Variants in NARF observed in about 807,000 individuals in gnomAD.
NARF encodes nuclear prelamin A recognition factor.
In NARF, 41 loss-of-function variants were observed where a neutral mutation model predicts 48.0. The ratio of observed to expected loss-of-function variants is 0.85; its 90% confidence interval spans 0.66 to 1.11. The LOEUF (loss-of-function observed/expected upper bound fraction) is 1.11. NARF is among the 50% of genes least tolerant of loss of function. The pLI, the probability that NARF is intolerant of heterozygous loss-of-function variation, is 0.00. For missense variants in NARF, 613 were observed against 590.2 expected (o/e 1.04, Z -0.40); for synonymous variants, 215 against 225.5 (o/e 0.95, Z 0.42).
chr17:82,464,667 C>A (rs1160838703), intron 3 of NARF, among the ~76,000 whole-genome samples: 3 of 152,224 alleles, frequency 2.0e-5, no homozygotes, highest in African/African-American at 7.2e-5. Flanking sequence ...TGGCATCACC[C>A]CTCAGGCTCC....
intron 5 of NARF, among the ~76,000 whole-genome samples, chr17:82,474,939 G>A (rs1402428354): frequency 1.3e-5 from 2 of 152,162 alleles, no homozygotes; most frequent in African/African-American, 2.4e-5. Flanking sequence ...TGTATCAGAG[G>A]TCGAAGTATA....
intron 7 of NARF, among the ~76,000 whole-genome samples, chr17:82,481,444 G>C (rs1380137368): frequency 6.6e-6 from 1 of 152,094 alleles, no homozygotes; most frequent in Non-Finnish European, 1.5e-5. Flanking sequence ...GATAAATCAG[G>C]TCTCAGCTGG....
chr17:82,487,788 C>CCCAAGAG, intron 10 of NARF, 128 bp from the exon 11 acceptor site: 1 of 759,778 alleles, frequency 1.3e-6, no homozygotes, highest in East Asian at 3.4e-5. Flanking sequence ...CCCTCCCGCC[C>CCCAAGAG]AATCTCTACA....
At chr17:82,478,601 C>T (rs1427769763) in intron 5 of NARF, 199 bp from the exon 6 acceptor site, 4 of 663,550 alleles carry the variant, frequency 6.0e-6, no homozygotes, top group African/African-American at 1.8e-5. Context: ...AGCCTCCAGG[C>T]CTGCAGGTTC....
intron 4 of NARF, among the ~76,000 whole-genome samples, chr17:82,469,527 A>G (rs372012257): frequency 1.7e-4 from 26 of 152,168 alleles, no homozygotes; most frequent in African/African-American, 5.8e-4. Flanking sequence ...TCCTCATAGC[A>G]TGATGGTCAG....
rs1437359734 is a variant in NARF at position 82,467,597 on chromosome 17, C to T, written c.253-1167C>T. Among the ~76,000 whole-genome samples, 10 of 152,108 alleles carry T rather than the reference C, an allele frequency of 6.6e-5. No homozygotes were observed. In the South Asian group the frequency reaches 1.2e-3, roughly 19 times the overall value. The stretch of plus-strand genomic sequence containing the variant: ...CCATTTCACTTCAACCTCCACCTCC[C>T]GGGTTCAAGCGATTCTTCTGCCTCA... On this transcript the variant is annotated intron_variant, in intron 3 of 10. Coordinates refer to ENST00000309794, the MANE Select transcript of NARF (RefSeq NM_012336.4).
In NARF at chr17:82,468,375, T is replaced by A. The variant is rs545820042; in HGVS notation, c.253-389T>A. 6.9e-5 allele frequency: 11 copies of A among 159,324 alleles called. No individual in the cohort carries two copies. In the South Asian group the frequency reaches 2.0e-3, roughly 29 times the overall value. The allele number at this position is 159,324 out of a possible 1,614,324, so 9.9% of individuals were successfully genotyped here. On this transcript the variant is annotated intron_variant, in intron 3 of 10. Transcript: ENST00000309794. ...ACTCTTTTTTTTTTGAGACAGAGTATTACTCTGTCACTCAGGCTAGAGCGC... is the reference window on the plus strand; with the variant it reads ...ACTCTTTTTTTTTTGAGACAGAGTAATACTCTGTCACTCAGGCTAGAGCGC...
At position 82,468,752 on chromosome 17, in the gene NARF, T is replaced by C. The variant is rs2043630150; in HGVS notation, c.253-12T>C. ...TCAGCAGATACCTAACATTCTCTAT[T>C]TCTCCTTCTAGAAATGTGATACCTC... On this transcript the variant is annotated splice_polypyrimidine_tract_variant and intron_variant, in intron 3 of 10. Coordinates refer to ENST00000309794, the MANE Select transcript of NARF (RefSeq NM_012336.4). 6.2e-7 allele frequency: 1 copy of C among 1,612,954 alleles called. No individual in the cohort carries two copies. Among genetic ancestry groups the C allele is most frequent in the Admixed American group, 1.7e-5 (1 of 59,874 alleles).
At chr17:82,472,764 G>T in intron 5 of NARF, 66 bp downstream of exon 5, 6 of 1,552,576 alleles carry the variant, frequency 3.9e-6, no homozygotes, top group African/African-American at 1.4e-5. Context: ...GATTCTGCAG[G>T]CTCTAGATGA....
intron 7 of NARF, chr17:82,481,860 G>T (rs2043972720): frequency 2.8e-6 from 1 of 356,958 alleles, no homozygotes; most frequent in African/African-American, 2.2e-5. Flanking sequence ...GCCATAGCGG[G>T]TCTCCTAATC....
At chr17:82,480,660 C>G in intron 6 of NARF, 1 of 429,416 alleles carries the variant, frequency 2.3e-6, no homozygotes, top group Non-Finnish European at 4.1e-6. Context: ...CAGCCAGGCT[C>G]GATGGCTCAC....
At chr17:82,481,307 C>A in intron 7 of NARF, 96 bp downstream of exon 7, 1 of 1,546,204 alleles carries the variant, frequency 6.5e-7, no homozygotes. Flanking sequence ...AGAGCCATCT[C>A]AGTGCCTGCC....
intron 3 of NARF, among the ~76,000 whole-genome samples, chr17:82,465,574 A>G (rs546301824): frequency 5.3e-5 from 8 of 152,044 alleles, no homozygotes; most frequent in Admixed American, 6.6e-5. Flanking sequence ...CAGCAATTAG[A>G]TCACAATATT....
chr17:82,480,983 A>AG (rs1317919598), intron 6 of NARF, 99 bp from the exon 7 acceptor site: 1 of 1,414,580 alleles, frequency 7.1e-7, no homozygotes, highest in South Asian at 1.2e-5. Flanking sequence ...GGGCAGCAGC[A>AG]GGGGGCATTC....
chr17:82,475,569 C>G (rs1033652450), intron 5 of NARF, among the ~76,000 whole-genome samples: 1 of 152,046 alleles, frequency 6.6e-6, no homozygotes, highest in Admixed American at 6.6e-5. Context: ...CGCACTCCAG[C>G]CTGGGTAACA....
At chr17:82,467,303 TCCCAAAGTGCTGGGATTATAGGCATGAG>T (rs2043593501) in intron 3 of NARF, among the ~76,000 whole-genome samples, 1 of 152,136 alleles carries the variant, frequency 6.6e-6, no homozygotes, top group Non-Finnish European at 1.5e-5. Context: ...AGCCCCGGCC[TCCCAAAGTGCTGGGATTATAGGCATGAG>T]CCACCACGCC....
Position 82,468,835 on chromosome 17 carries a change from T to C in NARF, c.324T>C (p.Ala108=). The change falls in exon 4 of 11, where the codon GCT becomes GCC. Residue 108 remains alanine, a synonymous_variant. Coordinates refer to ENST00000309794, the MANE Select transcript of NARF (RefSeq NM_012336.4). The stretch of plus-strand genomic sequence containing the variant: ...CTCAATCTTTGCCTTATTTTGCTGC[T>C]AAATTCAACCTCAGTGTAACTGATG... The part of the protein sequence containing the change: ...VCPQSLPYFA[A]KFNLSVTDAS... 1 of 1,614,176 alleles carries C rather than the reference T, an allele frequency of 6.2e-7. No homozygotes were observed. Among genetic ancestry groups the C allele is most frequent in the Non-Finnish European group, 8.5e-7 (1 of 1,180,002 alleles).
chr17:82,460,305 A>C lies in NARF; in HGVS notation c.108+233A>C, dbSNP rs77829753. ...CATGGTGAAACCTTATCTCTGCTAA[A>C]AATACAAAAATTATCCAGGTATGGT... On this transcript the variant is annotated intron_variant, in intron 2 of 10. Coordinates refer to ENST00000309794, the MANE Select transcript of NARF (RefSeq NM_012336.4). 1,617 of 343,024 alleles carry C rather than the reference A, an allele frequency of 4.7e-3. 31 individuals are homozygous for C. The highest frequency in any genetic ancestry group is 0.031 in the African/African-American group (1,471 of 47,050). The allele number at this position is 343,024 out of a possible 1,614,324, so 21.2% of individuals were successfully genotyped here.
chr17:82,485,495 A>G lies in NARF; in HGVS notation c.972-2A>G, dbSNP rs1295447947. On this transcript the variant is annotated splice_acceptor_variant, in intron 9 of 10. Transcript: ENST00000309794. LOFTEE classifies it high-confidence loss of function. ...TCAAAATTCTCTGTGTTCATTTTGTAGAAACAAAGACTTCCAAGAGGTCAC... is the reference window on the plus strand; with the variant it reads ...TCAAAATTCTCTGTGTTCATTTTGTGGAAACAAAGACTTCCAAGAGGTCAC... The G allele has an allele frequency of 6.2e-7, 1 of 1,613,672 alleles. No homozygotes were observed. The highest frequency in any genetic ancestry group is 8.5e-7 in the Non-Finnish European group (1 of 1,179,776).
Sources: allele counts gnomAD v4.1 joint callset (sites outside exome capture counted in the v4.1 genomes callset), GRCh38; gene constraint gnomAD v4.1.1; transcripts MANE v1.5; gene names NCBI Gene and HGNC (gene_info 2026-07-23, HGNC 2026-07-21).